The following BCL2L11 variants were observed in gnomAD, a reference collection of about 807,000 sequenced individuals.
The protein encoded by BCL2L11 is BCL2 like 11.
In BCL2L11, 15 loss-of-function variants were observed where a neutral mutation model predicts 20.6. That is an observed-to-expected ratio of 0.73 (90% CI 0.49 to 1.12). The LOEUF is 1.12. BCL2L11 is among the 50% of genes most tolerant of loss of function. BCL2L11 has a pLI of 0.00. For missense variants in BCL2L11, 292 were observed against 260.9 expected (o/e 1.12, Z -0.82); for synonymous variants, 108 against 92.8 (o/e 1.16, Z -0.94).
intron 3 of BCL2L11, chr2:111,161,650 G>A: frequency 7.6e-7 from 1 of 1,308,804 alleles, no homozygotes; most frequent in South Asian, 1.5e-5. Context: ...CCTTTAACTG[G>A]CAACTCCCCT....
chr2:111,159,348 C>G (rs562078429), intron 3 of BCL2L11, among the ~76,000 whole-genome samples: 26 of 152,358 alleles, frequency 1.7e-4, no homozygotes, highest in Non-Finnish European at 2.6e-4. Flanking sequence ...GAATGCTACC[C>G]TGGCACTCAG....
At chr2:111,159,670 A>G (rs1352210536) in intron 3 of BCL2L11, among the ~76,000 whole-genome samples, 1 of 152,222 alleles carries the variant, frequency 6.6e-6, no homozygotes, top group Non-Finnish European at 1.5e-5. Context: ...ATGTCATTAA[A>G]TTCCCTGACA....
chr2:111,123,853 A>G lies in BCL2L11; in HGVS notation c.108A>G (p.Leu36=). The G allele has an allele frequency of 6.3e-7, 1 of 1,588,914 alleles. No individual in the cohort carries two copies. Among genetic ancestry groups the G allele is most frequent in the Non-Finnish European group, 8.6e-7 (1 of 1,167,736 alleles). ...PQLRPGAPTS[L]QTEPQGNPEG... ...TCAGACCTGGGGCCCCTACCTCCCT[A>G]CAGACAGAGCCACAAGGTAATCCTG... The change falls in exon 2 of 4, where the codon CTA becomes CTG. Residue 36 remains leucine (L), a synonymous_variant. Coordinates refer to ENST00000393256, the MANE Select transcript of BCL2L11 (RefSeq NM_138621.5).
chr2:111,158,859 G>C (rs75386421), intron 3 of BCL2L11, among the ~76,000 whole-genome samples: 1 of 152,164 alleles, frequency 6.6e-6, no homozygotes. Flanking sequence ...TGTCATGTCT[G>C]ATCTCAACCT....
At chr2:111,155,394 A>G (rs1237669826) in intron 3 of BCL2L11, among the ~76,000 whole-genome samples, 4 of 152,176 alleles carry the variant, frequency 2.6e-5, no homozygotes, top group Non-Finnish European at 5.9e-5. Flanking sequence ...CAGTGCCAGC[A>G]AGTGTAGATT....
intron 3 of BCL2L11, among the ~76,000 whole-genome samples, chr2:111,156,032 G>T (rs999744648): frequency 4.6e-5 from 7 of 152,212 alleles, no homozygotes; most frequent in African/African-American, 1.7e-4. Flanking sequence ...TTCTTGAGAA[G>T]TGAAATCCCC....
chr2:111,122,433 C>T (rs2071258660), intron 1 of BCL2L11, among the ~76,000 whole-genome samples: 1 of 152,236 alleles, frequency 6.6e-6, no homozygotes, highest in South Asian at 2.1e-4. Context: ...CGACCACGGC[C>T]AGAGCAGCGC....
rs548793953 is a variant in BCL2L11 at position 111,136,940 on chromosome 2, C to T, written c.394+12801C>T. 4.6e-5 allele frequency among the ~76,000 whole-genome samples: 7 copies of T among 152,268 alleles called. No homozygotes were observed. The East Asian group carries it at 1.3e-3, about 29-fold the overall frequency. On this transcript the variant is annotated intron_variant, in intron 2 of 3. Transcript: ENST00000393256. ...GATGGAAAGAGATTTAGCTGTGATC[C>T]AGGCCACCTTTTTCAGATGATAACC...
In BCL2L11 at chr2:111,141,844, A is replaced by G. The variant is rs1202709807; in HGVS notation, c.395-8200A>G. Among the ~76,000 whole-genome samples the G allele has an allele frequency of 2.6e-5, 4 of 152,102 alleles. No individual in the cohort carries two copies. The South Asian group carries it at 8.3e-4, about 32-fold the overall frequency. On this transcript the variant is annotated intron_variant, in intron 2 of 3. Transcript: ENST00000393256. ...CTCCTGAGTAGCTGGGATTACAAGCAGGTGCCACCATGCCTGGTGAATTTT... is the reference window on the plus strand; with the variant it reads ...CTCCTGAGTAGCTGGGATTACAAGCGGGTGCCACCATGCCTGGTGAATTTT...
rs75508228 is a variant in BCL2L11 at position 111,152,920 on chromosome 2, C to T, written c.498+2773C>T. Among the ~76,000 whole-genome samples the T allele has an allele frequency of 2.0e-5, 3 of 152,280 alleles. No homozygotes were observed. The East Asian group carries it at 5.8e-4, about 29-fold the overall frequency. On this transcript the variant is annotated intron_variant, in intron 3 of 3. Coordinates refer to ENST00000393256, the MANE Select transcript of BCL2L11 (RefSeq NM_138621.5). ...AGGTTTTGTCATTGTGCATCTTTTG[C>T]ATATCTTAAAAATAATTCAGTGCAA...
chr2:111,166,619 G>C lies in BCL2L11; in HGVS notation c.*2388G>C, dbSNP rs1018280322. ...ATCCCCTTTTTGGAAACTTACTGCA[G>C]GTTTTGTGCCTTGACAACCTCTCCC... is the stretch of plus-strand genomic sequence containing the variant. On this transcript the variant is annotated 3_prime_UTR_variant, in exon 4 of 4. Coordinates refer to ENST00000393256, the MANE Select transcript of BCL2L11 (RefSeq NM_138621.5). 1.3e-5 allele frequency: 2 copies of C among 152,598 alleles called. No homozygotes were observed. Among genetic ancestry groups the C allele is most frequent in the African/African-American group, 4.8e-5 (2 of 41,426 alleles). The allele number at this position is 152,598 out of a possible 1,614,324, so 9.5% of individuals were successfully genotyped here.
chr2:111,138,575 G>A (rs1575033738), intron 2 of BCL2L11, among the ~76,000 whole-genome samples: 3 of 152,184 alleles, frequency 2.0e-5, no homozygotes, highest in Admixed American at 1.3e-4. Flanking sequence ...GACCATCACC[G>A]AAAGTACTCG....
At position 111,141,734 on chromosome 2, in the gene BCL2L11, T is replaced by G. The variant is rs373292546; in HGVS notation, c.395-8310T>G. Among the ~76,000 whole-genome samples the G allele has an allele frequency of 5.1e-4, 77 of 151,582 alleles. No individual in the cohort carries two copies. The East Asian group carries it at 8.3e-3, about 16-fold the overall frequency. On this transcript the variant is annotated intron_variant, in intron 2 of 3. Transcript: ENST00000393256. ...TTTTTTTGAGACGGAGTTTCGCTCTTGTCACCCAGGCTGGAGTGCAATGGT... is the reference window on the plus strand; with the variant it reads ...TTTTTTTGAGACGGAGTTTCGCTCTGGTCACCCAGGCTGGAGTGCAATGGT...
intron 2 of BCL2L11, among the ~76,000 whole-genome samples, chr2:111,134,917 T>A (rs1481011100): frequency 6.6e-6 from 1 of 152,242 alleles, no homozygotes; most frequent in Non-Finnish European, 1.5e-5. Flanking sequence ...GTCATTCCTA[T>A]GTGGCTGCTT....
chr2:111,136,510 G>A lies in BCL2L11; in HGVS notation c.394+12371G>A, dbSNP rs201823683. On this transcript the variant is annotated intron_variant, in intron 2 of 3. Coordinates refer to ENST00000393256, the MANE Select transcript of BCL2L11 (RefSeq NM_138621.5). ...CTTTAGGTGTTTATGGTGGCTATTT[G>A]TCTTAGTCCCTTTGAGCTGCTCTAA... is the stretch of plus-strand genomic sequence containing the variant. Among the ~76,000 whole-genome samples the A allele has an allele frequency of 2.6e-5, 4 of 152,132 alleles. No homozygotes were observed. In the East Asian group the frequency reaches 7.7e-4, roughly 29 times the overall value.
In BCL2L11 at chr2:111,143,489, C is replaced by G. The variant is rs1309198032; in HGVS notation, c.395-6555C>G. ...GGGATCATAGATTTCCTTTATAGTC[C>G]CAGGGGCAGAATCAAGATTGAAGTG... On this transcript the variant is annotated intron_variant, in intron 2 of 3. Coordinates refer to ENST00000393256, the MANE Select transcript of BCL2L11 (RefSeq NM_138621.5). Among the ~76,000 whole-genome samples, 5 of 152,092 alleles carry G rather than the reference C, an allele frequency of 3.3e-5. No individual in the cohort carries two copies. The East Asian group carries it at 9.6e-4, about 29-fold the overall frequency.
At position 111,168,402 on chromosome 2, in the gene BCL2L11, A is replaced by C. The variant is rs1338077233; in HGVS notation, c.*4171A>C. 1 of 152,656 alleles carries C rather than the reference A, an allele frequency of 6.6e-6. No homozygotes were observed. Among genetic ancestry groups the C allele is most frequent in the Non-Finnish European group, 1.5e-5 (1 of 68,048 alleles). 9.5% of individuals were successfully genotyped at this position (152,656 alleles called of 1,614,324 possible). On this transcript the variant is annotated 3_prime_UTR_variant, in exon 4 of 4. Transcript: ENST00000393256. Reference sequence around the variant, plus strand: ...TGTAAATAACTGCAGATTTTTAAACAATCTTTTATGTTAATTTTATAAAAA... The same window carrying C: ...TGTAAATAACTGCAGATTTTTAAACCATCTTTTATGTTAATTTTATAAAAA...
intron 2 of BCL2L11, among the ~76,000 whole-genome samples, chr2:111,134,439 T>A (rs1404499739): frequency 6.6e-6 from 1 of 152,218 alleles, no homozygotes; most frequent in Non-Finnish European, 1.5e-5. Context: ...GTAGAAACCT[T>A]ACTTTTCTTT....
chr2:111,149,740 T>G (rs1292257451), intron 2 of BCL2L11, among the ~76,000 whole-genome samples: 1 of 152,270 alleles, frequency 6.6e-6, no homozygotes, highest in African/African-American at 2.4e-5. Flanking sequence ...CATTTTCTTG[T>G]GAGTAACTTC....
Sources: allele counts gnomAD v4.1 joint callset (sites outside exome capture counted in the v4.1 genomes callset), GRCh38; gene constraint gnomAD v4.1.1; transcripts MANE v1.5; gene names NCBI Gene and HGNC (gene_info 2026-07-23, HGNC 2026-07-21).